LMBR1: variants seen among roughly 807,000 people sequenced by gnomAD.
LMBR1 encodes the protein limb region 1 protein homolog.
A neutral mutation model predicts 73.9 loss-of-function variants in LMBR1; 52 were observed. That is an observed-to-expected ratio of 0.70 (90% CI 0.56 to 0.89). The LOEUF is 0.89. LMBR1 is among the 40% of genes least tolerant of loss of function. The pLI is 0.00. For synonymous variants in LMBR1, 215 were observed against 209.4 expected (o/e 1.03, Z -0.23); for missense variants, 539 against 579.8 (o/e 0.93, Z 0.72).
chr7:156,704,285 C>T (rs1205521711), intron 15 of LMBR1, among the ~76,000 whole-genome samples: 2 of 152,170 alleles, frequency 1.3e-5, no homozygotes, highest in Non-Finnish European at 2.9e-5. Flanking sequence ...TTCACAATAG[C>T]TGCCACCAAT....
chr7:156,824,119 AC>A (rs1219446522), intron 4 of LMBR1, among the ~76,000 whole-genome samples: 4 of 150,786 alleles, frequency 2.7e-5, no homozygotes, highest in African/African-American at 7.4e-5. Flanking sequence ...AACAACAACA[AC>A]AACAACAATA....
intron 5 of LMBR1, among the ~76,000 whole-genome samples, chr7:156,794,320 C>A (rs1434569243): frequency 1.3e-5 from 2 of 152,202 alleles, no homozygotes; most frequent in African/African-American, 2.4e-5. Context: ...GAAGTAAGTG[C>A]TGTACAATCG....
chr7:156,779,039 C>T (rs1238349131), intron 5 of LMBR1, among the ~76,000 whole-genome samples: 1 of 152,140 alleles, frequency 6.6e-6, no homozygotes, highest in Non-Finnish European at 1.5e-5. Context: ...ACACTGTAAA[C>T]AAGGAAGAAG....
At chr7:156,763,058 A>T (rs767796782) in intron 7 of LMBR1, 50 bp downstream of exon 7, 27 of 974,156 alleles carry the variant, frequency 2.8e-5, no homozygotes, top group East Asian at 1.1e-4. Flanking sequence ...ATTTTCCAGA[A>T]TAAGGACAAC....
At chr7:156,852,796 G>A (rs1021861230) in intron 1 of LMBR1, among the ~76,000 whole-genome samples, 7 of 152,052 alleles carry the variant, frequency 4.6e-5, no homozygotes, top group African/African-American at 1.2e-4. Flanking sequence ...GAACAGACCC[G>A]AACAATAAAG....
downstream of LMBR1, among the ~76,000 whole-genome samples, chr7:156,677,424 T>C (rs1389612374): frequency 4.6e-5 from 7 of 152,188 alleles, no homozygotes; most frequent in African/African-American, 1.4e-4. Context: ...CTGGCTCCTT[T>C]TGTCTTGTGA....
intron 9 of LMBR1, among the ~76,000 whole-genome samples, chr7:156,735,374 T>C (rs1817658716): frequency 1.3e-5 from 2 of 152,192 alleles, no homozygotes; most frequent in South Asian, 4.1e-4. Flanking sequence ...CTAAATGTGG[T>C]TGGACATATT....
chr7:156,855,520 C>T (rs1233181921), intron 1 of LMBR1, among the ~76,000 whole-genome samples: 1 of 151,972 alleles, frequency 6.6e-6, no homozygotes, highest in African/African-American at 2.4e-5. Flanking sequence ...TTACAAAAGG[C>T]ATAACATACG....
At position 156,680,404 on chromosome 7, in the gene LMBR1, G is replaced by GAGAGAGAA; in HGVS notation, c.*3673_*3674insTTCTCTCT. ...AGAGAGAGAGAGAGAGAGAGAGAGA[G>GAGAGAGAA]TGTGTGTGTGTGTGTGTGTGTAATG... On this transcript the variant is annotated 3_prime_UTR_variant, in exon 17 of 17. Transcript: ENST00000353442. 2.1e-5 allele frequency: 2 copies of GAGAGAGAA among 97,438 alleles called. No individual in the cohort carries two copies. The highest frequency in any genetic ancestry group is 7.1e-4 in the South Asian group (2 of 2,816). 6.0% of individuals were successfully genotyped at this position (97,438 alleles called of 1,614,324 possible).
intron 1 of LMBR1, among the ~76,000 whole-genome samples, chr7:156,886,816 T>C (rs1370816868): frequency 6.6e-6 from 1 of 152,268 alleles, no homozygotes; most frequent in Non-Finnish European, 1.5e-5. Flanking sequence ...TTGGGTATTT[T>C]ATTGCCACAA....
At chr7:156,854,569 AC>A (rs1166882987) in intron 1 of LMBR1, among the ~76,000 whole-genome samples, 14 of 152,176 alleles carry the variant, frequency 9.2e-5, no homozygotes, top group Middle Eastern at 3.2e-3. Context: ...AACCATTTGT[AC>A]CCACAGCTTA....
chr7:156,777,863 C>A (rs1826433591), intron 5 of LMBR1, among the ~76,000 whole-genome samples: 1 of 152,156 alleles, frequency 6.6e-6, no homozygotes, highest in Non-Finnish European at 1.5e-5. Context: ...ATGCCAGATA[C>A]TTTGGAAACA....
chr7:156,836,800 T>C lies in LMBR1; in HGVS notation c.139+13A>G, dbSNP rs1161905620. On this transcript the variant is annotated intron_variant, in intron 2 of 16. Coordinates refer to ENST00000353442, the MANE Select transcript of LMBR1 (RefSeq NM_022458.4). ...ATTCTAACAAAGGTTTTAATTGACA[T>C]GTTTCCACTTGCCTGATTTTCTCTT... The C allele has an allele frequency of 2.6e-6, 4 of 1,534,868 alleles. No individual in the cohort carries two copies. The highest frequency in any genetic ancestry group is 3.6e-6 in the Non-Finnish European group (4 of 1,124,890).
intron 1 of LMBR1, among the ~76,000 whole-genome samples, chr7:156,852,575 T>C (rs993086206): frequency 3.9e-5 from 6 of 152,240 alleles, no homozygotes; most frequent in African/African-American, 1.2e-4. Context: ...TTTTACGTTA[T>C]TTGGAAAAGT....
At chr7:156,889,204 A>T (rs1802468414) in intron 1 of LMBR1, among the ~76,000 whole-genome samples, 1 of 152,224 alleles carries the variant, frequency 6.6e-6, no homozygotes, top group East Asian at 1.9e-4. Context: ...AGGCAGAACC[A>T]GCAGCTGGAG....
intron 4 of LMBR1, chr7:156,822,391 T>C (rs1040467906): frequency 1.3e-5 from 2 of 152,198 alleles, no homozygotes; most frequent in Non-Finnish European, 2.9e-5. Flanking sequence ...ATGCTCAAGG[T>C]TGCTAAGGGT....
chr7:156,867,952 A>AT (rs1798703900), intron 1 of LMBR1, among the ~76,000 whole-genome samples: 1 of 152,206 alleles, frequency 6.6e-6, no homozygotes, highest in Admixed American at 6.5e-5. Context: ...TCAAAAAAAA[A>AT]GAAAATAGTT....
At chr7:156,766,907 T>C (rs1383551575) in intron 5 of LMBR1, among the ~76,000 whole-genome samples, 1 of 152,172 alleles carries the variant, frequency 6.6e-6, no homozygotes. Flanking sequence ...AGCTGCTATT[T>C]CAAGGAGTCC....
chr7:156,815,772 T>C (rs1833815003), intron 4 of LMBR1, among the ~76,000 whole-genome samples: 1 of 152,158 alleles, frequency 6.6e-6, no homozygotes, highest in African/African-American at 2.4e-5. Context: ...GCTCTCAAAT[T>C]GTTGTAACCA....
Sources: allele counts gnomAD v4.1 joint callset (sites outside exome capture counted in the v4.1 genomes callset), GRCh38; gene constraint gnomAD v4.1.1; transcripts MANE v1.5; gene names NCBI Gene and HGNC (gene_info 2026-07-23, HGNC 2026-07-21).